The following SPAG17 variants were observed in gnomAD, a reference collection of about 807,000 sequenced individuals.
SPAG17 encodes the protein sperm-associated antigen 17.
Under a neutral mutation model 273.6 loss-of-function variants are expected in SPAG17, and 169 were observed. That is an observed-to-expected ratio of 0.62 (90% confidence interval 0.55 to 0.70). The LOEUF (loss-of-function observed/expected upper bound fraction) is 0.70. SPAG17 is among the 30% of genes least tolerant of loss of function. SPAG17 has a pLI of 0.00. For missense variants in SPAG17, 2,557 were observed against 2,627.8 expected, an observed-to-expected ratio of 0.97 and a Z score of 0.59; for synonymous variants, 825 against 873.2, an observed-to-expected ratio of 0.94 and a Z score of 0.97.
At chr1:118,139,276 C>G (rs1658534281) in intron 3 of SPAG17, among the ~76,000 whole-genome samples, 1 of 152,076 alleles carries the variant, frequency 6.6e-6, no homozygotes, top group African/African-American at 2.4e-5. Context: ...CATCTCACAC[C>G]TGTCAGATAA....
At chr1:118,030,847 G>C (rs1648371034) in intron 25 of SPAG17, among the ~76,000 whole-genome samples, 1 of 152,120 alleles carries the variant, frequency 6.6e-6, no homozygotes, top group African/African-American at 2.4e-5. Context: ...ATCATTGATG[G>C]GCATTTGAGT....
intron 3 of SPAG17, among the ~76,000 whole-genome samples, chr1:118,149,995 T>C (rs1659281754): frequency 6.6e-6 from 1 of 152,160 alleles, no homozygotes; most frequent in Non-Finnish European, 1.5e-5. Flanking sequence ...TAAGCAGCTG[T>C]TGGAAATGGA....
At position 118,097,943 on chromosome 1, in the gene SPAG17, T is replaced by C. The variant is rs898725695; in HGVS notation, c.830-92A>G. The stretch of plus-strand genomic sequence containing the variant: ...ATGGTGAGTCATATGCATTGCAAGA[T>C]ATCTGTACAGTACCAGAAAATGTAA... On this transcript the variant is annotated intron_variant, in intron 6 of 48. Transcript: ENST00000336338. 20 of 773,434 alleles carry C rather than the reference T, an allele frequency of 2.6e-5. No individual in the cohort carries two copies. In the African/African-American group the frequency reaches 3.4e-4, roughly 13 times the overall value. The allele number at this position is 773,434 out of a possible 1,614,324, so 47.9% of individuals were successfully genotyped here. A position where few individuals can be genotyped will look rare whatever the true frequency, so the allele number is the denominator to read the frequency against.
chr1:117,959,415 A>G (rs1652721457), intron 48 of SPAG17: 1 of 1,613,410 alleles, frequency 6.2e-7, no homozygotes, highest in Non-Finnish European at 8.5e-7. Flanking sequence ...GAAGAGGAAA[A>G]AGAGGGAGAA....
At chr1:118,061,186 C>T (rs1268435468) in intron 18 of SPAG17, among the ~76,000 whole-genome samples, 1 of 152,122 alleles carries the variant, frequency 6.6e-6, no homozygotes. Context: ...TATGATCCAG[C>T]AATCCCTCTT....
At chr1:117,982,523 G>A (rs1224799208) in intron 42 of SPAG17, among the ~76,000 whole-genome samples, 1 of 152,154 alleles carries the variant, frequency 6.6e-6, no homozygotes, top group Admixed American at 6.5e-5. Flanking sequence ...TTACAGGCGT[G>A]AGCCACCGTG....
intron 28 of SPAG17, among the ~76,000 whole-genome samples, chr1:118,018,610 A>T (rs1256646958): frequency 1.3e-5 from 2 of 151,390 alleles, no homozygotes; most frequent in African/African-American, 4.9e-5. Context: ...AGGTAGGAGG[A>T]TTGCTTAAGC....
intron 18 of SPAG17, among the ~76,000 whole-genome samples, chr1:118,061,446 C>T (rs1043365939): frequency 2.6e-5 from 4 of 152,168 alleles, no homozygotes; most frequent in Admixed American, 1.3e-4. Flanking sequence ...CACTGAATGA[C>T]AAATACCGGC....
chr1:118,173,464 G>A (rs969845583), intron 1 of SPAG17, among the ~76,000 whole-genome samples: 4 of 152,042 alleles, frequency 2.6e-5, no homozygotes, highest in Admixed American at 1.3e-4. Context: ...AGGACAGCTC[G>A]AAACTCAGGC....
chr1:118,163,541 CTT>C (rs772258602), intron 1 of SPAG17, among the ~76,000 whole-genome samples: 90 of 140,742 alleles, frequency 6.4e-4, no homozygotes, highest in Non-Finnish European at 5.8e-4. Context: ...TTCCTTCTTC[CTT>C]TTTTTTTTTT....
chr1:118,015,888 G>T, intron 29 of SPAG17, 77 bp downstream of exon 29: 1 of 1,246,834 alleles, frequency 8.0e-7, no homozygotes, highest in Non-Finnish European at 1.2e-6. Context: ...AATATTATCA[G>T]CTAGGCACTC....
intron 48 of SPAG17, chr1:117,958,919 T>C (rs755081505): frequency 6.2e-7 from 1 of 1,613,926 alleles, no homozygotes; most frequent in South Asian, 1.1e-5. Context: ...GGATTCACTT[T>C]GGACAGATCA....
chr1:118,016,603 C>A (rs180930859), intron 28 of SPAG17, among the ~76,000 whole-genome samples: 1 of 152,318 alleles, frequency 6.6e-6, no homozygotes, highest in Non-Finnish European at 1.5e-5. Flanking sequence ...TGGACTATAA[C>A]AGTTACTAAA....
intron 20 of SPAG17, among the ~76,000 whole-genome samples, chr1:118,043,514 C>G (rs1296985629): frequency 6.6e-6 from 1 of 152,184 alleles, no homozygotes; most frequent in Non-Finnish European, 1.5e-5. Context: ...TGACATTTCA[C>G]TATTGTCTAT....
chr1:118,018,133 G>A (rs1361170828), intron 28 of SPAG17, among the ~76,000 whole-genome samples: 1 of 152,184 alleles, frequency 6.6e-6, no homozygotes, highest in African/African-American at 2.4e-5. Flanking sequence ...GTCAAACTGT[G>A]TGATTCTGAG....
rs56029752 is a variant in SPAG17 at position 118,062,366 on chromosome 1, C to CAAAAAAAAAAAAAAAAAAAA, written c.2540+4359_2540+4378dup. ...TGGGCGACAGAGCGAGACTCCATCT[C>CAAAAAAAAAAAAAAAAAAAA]AAAAAAAAAAAAAAAAAAAAATTAA... On this transcript the variant is annotated intron_variant, in intron 18 of 48. Coordinates refer to ENST00000336338, the MANE Select transcript of SPAG17 (RefSeq NM_206996.4). 6.5e-5 allele frequency among the ~76,000 whole-genome samples: 3 copies of CAAAAAAAAAAAAAAAAAAAA among 46,410 alleles called. 1 individual carries two copies. Among genetic ancestry groups the CAAAAAAAAAAAAAAAAAAAA allele is most frequent in the African/African-American group, 3.3e-4 (3 of 9,168 alleles). The allele number at this position is 46,410 out of a possible 152,430, so 30.4% of individuals were successfully genotyped here.
chr1:118,129,205 C>T (rs777103041), intron 3 of SPAG17, among the ~76,000 whole-genome samples: 3 of 152,244 alleles, frequency 2.0e-5, no homozygotes, highest in African/African-American at 4.8e-5. Context: ...CATGCCAGTA[C>T]ATTTCCTAAT....
intron 23 of SPAG17, 139 bp from the exon 24 acceptor site, chr1:118,037,022 A>T (rs12119700): frequency 0.074 from 45,935 of 618,124 alleles, 2,973 homozygotes; most frequent in East Asian, 0.29. Flanking sequence ...TAGCTTGACC[A>T]TGCACTCAGG....
At chr1:118,177,305 A>G (rs1055762369) in intron 1 of SPAG17, among the ~76,000 whole-genome samples, 16 of 152,202 alleles carry the variant, frequency 1.1e-4, no homozygotes, top group African/African-American at 3.6e-4. Flanking sequence ...GTGGGAAAGC[A>G]TATGAGCCAG....
Sources: allele counts gnomAD v4.1 joint callset (sites outside exome capture counted in the v4.1 genomes callset), GRCh38; gene constraint gnomAD v4.1.1; transcripts MANE v1.5; gene names NCBI Gene and HGNC (gene_info 2026-07-23, HGNC 2026-07-21).